Variants in PDE2A observed in about 807,000 individuals in gnomAD.
PDE2A encodes cGMP-dependent 3',5'-cyclic phosphodiesterase.
Under a neutral mutation model 133.6 loss-of-function variants are expected in PDE2A, and 53 were observed. That is an observed-to-expected ratio of 0.40 (90% CI 0.32 to 0.50). The LOEUF is 0.50. Ranked by LOEUF, PDE2A falls within the 20% of genes least tolerant of loss-of-function variation. The pLI is 0.73. For missense variants in PDE2A, 796 were observed against 1,232.4 expected, an observed-to-expected ratio of 0.65 and a Z score of 5.30; for synonymous variants, 491 against 490.2, an observed-to-expected ratio of 1.00 and a Z score of -0.02.
At chr11:72,613,105 TC>T (rs1210976399) in intron 2 of PDE2A, among the ~76,000 whole-genome samples, 4 of 152,152 alleles carry the variant, frequency 2.6e-5, no homozygotes, top group African/African-American at 9.7e-5. Context: ...TGCCATAAGA[TC>T]TTTCCTGTTT....
At chr11:72,594,674 C>G (rs770986670) in intron 6 of PDE2A, among the ~76,000 whole-genome samples, 1 of 152,132 alleles carries the variant, frequency 6.6e-6, no homozygotes, top group Non-Finnish European at 1.5e-5. Flanking sequence ...GGACCACACT[C>G]TCCCCTCAGC....
At chr11:72,615,411 G>C (rs1032402130) in intron 2 of PDE2A, among the ~76,000 whole-genome samples, 1 of 152,204 alleles carries the variant, frequency 6.6e-6, no homozygotes, top group Non-Finnish European at 1.5e-5. Flanking sequence ...TGCACGATCA[G>C]TTCCCTGAGG....
At chr11:72,599,627 C>T (rs922473014) in intron 4 of PDE2A, among the ~76,000 whole-genome samples, 1 of 152,228 alleles carries the variant, frequency 6.6e-6, no homozygotes, top group Non-Finnish European at 1.5e-5. Context: ...TCTCCCCAAG[C>T]CTCTAGCCTC....
intron 1 of PDE2A, among the ~76,000 whole-genome samples, chr11:72,659,156 C>T (rs2037030): frequency 0.39 from 58,585 of 151,226 alleles, 13,361 homozygotes; most frequent in Middle Eastern, 0.61. Flanking sequence ...AGGCAGGAGT[C>T]ACACCCAGTT....
chr11:72,652,649 C>T (rs1854774052), intron 1 of PDE2A: 2 of 456,176 alleles, frequency 4.4e-6, no homozygotes, highest in Admixed American at 2.3e-5. Flanking sequence ...CTCATTTAAT[C>T]TTCATGATAT....
intron 1 of PDE2A, among the ~76,000 whole-genome samples, chr11:72,665,922 C>G (rs764925957): frequency 6.7e-5 from 10 of 148,958 alleles, no homozygotes; most frequent in Admixed American, 6.7e-4. Context: ...AAAAAAAAAA[C>G]ACGAAAAAAA....
intron 2 of PDE2A, among the ~76,000 whole-genome samples, chr11:72,635,067 G>A (rs556701291): frequency 1.3e-5 from 2 of 152,332 alleles, no homozygotes; most frequent in Non-Finnish European, 2.9e-5. Context: ...AGGGCTGGGA[G>A]GAAAGGGTAG....
chr11:72,607,015 G>A (rs999152349), intron 3 of PDE2A, among the ~76,000 whole-genome samples: 9 of 152,110 alleles, frequency 5.9e-5, no homozygotes, highest in African/African-American at 1.4e-4. Flanking sequence ...CTCCCTGGGC[G>A]GGGGTCCCCT....
At chr11:72,649,726 C>A (rs1328176919) in intron 1 of PDE2A, among the ~76,000 whole-genome samples, 1 of 152,178 alleles carries the variant, frequency 6.6e-6, no homozygotes, top group African/African-American at 2.4e-5. Flanking sequence ...ACTTTCTTAC[C>A]AGCCGGCTCC....
chr11:72,665,879 T>A (rs1475297382), intron 1 of PDE2A, among the ~76,000 whole-genome samples: 5 of 150,994 alleles, frequency 3.3e-5, no homozygotes, highest in African/African-American at 1.2e-4. Context: ...AAGCCTTGAA[T>A]GTTAGAACGG....
chr11:72,613,546 C>G (rs1309333351), intron 2 of PDE2A, among the ~76,000 whole-genome samples: 1 of 151,980 alleles, frequency 6.6e-6, no homozygotes, highest in Non-Finnish European at 1.5e-5. Flanking sequence ...AGGCTGCACT[C>G]CTGTTCCTCT....
In PDE2A at chr11:72,577,368, G is replaced by T; in HGVS notation, c.*16C>A. 1 of 1,596,460 alleles carries T rather than the reference G, an allele frequency of 6.3e-7. No individual in the cohort carries two copies. Among genetic ancestry groups the T allele is most frequent in the Non-Finnish European group, 8.6e-7 (1 of 1,166,184 alleles). On this transcript the variant is annotated 3_prime_UTR_variant, in exon 31 of 31. Transcript: ENST00000334456. ...TGTGGGAGGTGGCCTGGGCAGGGAA[G>T]TGTCCCTGGAGGGGATCACTCAGCA... is the stretch of plus-strand genomic sequence containing the variant.
chr11:72,652,606 T>C (rs1419423471), intron 1 of PDE2A: 1 of 456,190 alleles, frequency 2.2e-6, no homozygotes, highest in Non-Finnish European at 4.4e-6. Context: ...GAATGGCCAT[T>C]GATGACCACC....
At chr11:72,598,365 G>GT (rs1402378279) in intron 4 of PDE2A, 4 of 466,952 alleles carry the variant, frequency 8.6e-6, no homozygotes, top group African/African-American at 8.0e-5. Flanking sequence ...GCAGGTGTGA[G>GT]TGGCAGGGTA....
At chr11:72,579,507 T>TGCCCCCCCCCCC in intron 26 of PDE2A, 27 bp downstream of exon 26, 8 of 1,354,148 alleles carry the variant, frequency 5.9e-6, no homozygotes, top group South Asian at 1.2e-5. Context: ...TCCCCCTCAA[T>TGCCCCCCCCCCC]CCCCACCCCA....
intron 1 of PDE2A, among the ~76,000 whole-genome samples, chr11:72,671,046 C>G (rs1855373524): frequency 1.3e-5 from 2 of 152,156 alleles, no homozygotes; most frequent in South Asian, 4.1e-4. Flanking sequence ...CCCACCTTCA[C>G]AAACTGTTCC....
intron 2 of PDE2A, chr11:72,631,001 G>A (rs1858352361): frequency 1.6e-6 from 2 of 1,218,202 alleles, no homozygotes; most frequent in South Asian, 1.3e-5. Context: ...CAAGGGGGAG[G>A]GCACCACTCA....
chr11:72,597,482 CTGCCCCTGCCCA>C lies in PDE2A; in HGVS notation c.433+16_433+27del, dbSNP rs1565159962. On this transcript the variant is annotated intron_variant, in intron 5 of 30. Transcript: ENST00000334456. The surrounding 1 kb of genome is among the most constrained non-coding windows in gnomAD (Gnocchi z 4.6). ...CCACAGTCCCTCCCTGCCCCTGCCCCTGCCCCTGCCCAGCCCCTAGCCCTTACCTTGGGTATC... is the reference window on the plus strand; with the variant it reads ...CCACAGTCCCTCCCTGCCCCTGCCCCGCCCCTAGCCCTTACCTTGGGTATC... 1.4e-6 allele frequency: 2 copies of C among 1,396,832 alleles called. No individual in the cohort carries two copies. Among genetic ancestry groups the C allele is most frequent in the Non-Finnish European group, 2.0e-6 (2 of 995,736 alleles). 86.5% of individuals were successfully genotyped at this position (1,396,832 alleles called of 1,614,324 possible).
chr11:72,597,590 C>T lies in PDE2A; in HGVS notation c.353G>A (p.Gly118Asp). The part of the protein sequence containing the change: ...REAIISQKRL[G>D]CNGLGFSDLP... ...GTCTGAGAAGCCCAGCCCATTGCAG[C>T]CCAGCCGCTTCTGGGAGATGATAGC... Residue 118 changes from glycine to aspartate, a missense_variant, in exon 5 of 31, where the codon GGC becomes GAC. Around this residue, in one of 7 missense-constraint regions of PDE2A, gnomAD observed 417 missense variants for 475.3 expected, o/e 0.88. Coordinates refer to ENST00000334456, the MANE Select transcript of PDE2A (RefSeq NM_002599.5). The surrounding 1 kb of genome is among the most constrained non-coding windows in gnomAD (Gnocchi z 4.6). 1 of 1,612,966 alleles carries T rather than the reference C, an allele frequency of 6.2e-7. No homozygotes were observed. The highest frequency in any genetic ancestry group is 8.5e-7 in the Non-Finnish European group (1 of 1,179,754).
Sources: gnomAD v4.1 joint callset for allele counts (sites outside exome capture counted in the v4.1 genomes callset) on GRCh38, gnomAD v4.1.1 for gene constraint, gnomAD v4.1.1 regional missense constraint, Gnocchi (gnomAD v3.1) non-coding constraint, MANE v1.5 for transcripts, NCBI Gene and HGNC (gene_info 2026-07-23, HGNC 2026-07-21) for gene names.